Variants in SMARCC1 observed in about 807,000 individuals in gnomAD.
SMARCC1 encodes the protein SWI/SNF complex subunit SMARCC1.
SMARCC1 carries 43 observed loss-of-function variants against 147.4 expected under a neutral mutation model. The ratio of observed to expected loss-of-function variants is 0.29; its 90% confidence interval spans 0.23 to 0.38. SMARCC1 has a LOEUF of 0.38. Among genes scored for constraint, SMARCC1 ranks in the 10% least tolerant of loss-of-function variants. The pLI, the probability that SMARCC1 is intolerant of heterozygous loss-of-function variation, is 1.00. For synonymous variants in SMARCC1, 495 were observed against 484.4 expected (o/e 1.02, Z -0.29); for missense variants, 1,119 against 1,381.1 (o/e 0.81, Z 3.01).
intron 21 of SMARCC1, among the ~76,000 whole-genome samples, chr3:47,656,756 A>C (rs1023025045): frequency 1.3e-5 from 2 of 152,158 alleles, no homozygotes; most frequent in African/African-American, 4.8e-5. Flanking sequence ...TCTACTAAAA[A>C]TACAAAAATT....
chr3:47,670,495 G>A (rs1247973307), intron 19 of SMARCC1, 163 bp downstream of exon 19: 1 of 611,290 alleles, frequency 1.6e-6, no homozygotes, highest in East Asian at 2.8e-5. Flanking sequence ...AAGGTAAGAG[G>A]ATCGCCTGAG....
In SMARCC1 at chr3:47,608,929, G is replaced by C. The variant is rs150990869; in HGVS notation, c.3043+1137C>G. Among the ~76,000 whole-genome samples, 59 of 151,706 alleles carry C rather than the reference G, an allele frequency of 3.9e-4. No individual in the cohort carries two copies. In the East Asian group the frequency reaches 5.2e-3, roughly 13 times the overall value. ...GTTTATAGGAAATGTGTGTTTGTGT[G>C]GGGGGGTTAGAAGGACATATGACAT... On this transcript the variant is annotated intron_variant, in intron 26 of 27. Transcript: ENST00000254480.
chr3:47,751,189 C>T (rs905678543), intron 2 of SMARCC1, among the ~76,000 whole-genome samples: 4 of 152,048 alleles, frequency 2.6e-5, no homozygotes, highest in African/African-American at 7.2e-5. Flanking sequence ...TGAGCCACCG[C>T]GCCTGGCCGA....
chr3:47,702,709 CT>C (rs1347340807), intron 10 of SMARCC1, among the ~76,000 whole-genome samples: 1 of 152,234 alleles, frequency 6.6e-6, no homozygotes, highest in South Asian at 2.1e-4. Flanking sequence ...AGTGATCCTC[CT>C]GCCTCAGGCT....
intron 6 of SMARCC1, among the ~76,000 whole-genome samples, chr3:47,724,692 G>A (rs1052189539): frequency 2.4e-4 from 37 of 152,260 alleles, no homozygotes; most frequent in South Asian, 1.0e-3. Context: ...CCCTGTGCTA[G>A]GGGAAAGAGA....
chr3:47,678,723 C>CAGGT (rs2033603231), intron 15 of SMARCC1, among the ~76,000 whole-genome samples: 1 of 152,176 alleles, frequency 6.6e-6, no homozygotes, highest in South Asian at 2.1e-4. Flanking sequence ...CTCTATATTG[C>CAGGT]AGGTAGGGTC....
chr3:47,607,505 A>C (rs2032494928), intron 26 of SMARCC1, among the ~76,000 whole-genome samples: 1 of 152,184 alleles, frequency 6.6e-6, no homozygotes, highest in African/African-American at 2.4e-5. Context: ...AACTATAAAA[A>C]TCTTACAAGA....
intron 1 of SMARCC1, among the ~76,000 whole-genome samples, chr3:47,778,212 A>AAAAAAAAAAAAAAAAAC (rs1553693293): frequency 1.4e-4 from 17 of 121,336 alleles, no homozygotes; most frequent in South Asian, 2.6e-4. Context: ...ACAAAAAACA[A>AAAAAAAAAAAAAAAAAC]AAAACAAAAA....
intron 2 of SMARCC1, among the ~76,000 whole-genome samples, chr3:47,749,205 GA>G (rs1273922469): frequency 1.3e-5 from 2 of 152,102 alleles, no homozygotes; most frequent in East Asian, 3.9e-4. Flanking sequence ...TTGGGAGGCT[GA>G]GGTGGGAGGA....
At chr3:47,701,257 C>T (rs764063781) in intron 11 of SMARCC1, 21 bp downstream of exon 11, 4 of 1,607,848 alleles carry the variant, frequency 2.5e-6, no homozygotes, top group Non-Finnish European at 2.6e-6. Flanking sequence ...ATCTAACACT[C>T]TCATGCAGAA....
intron 25 of SMARCC1, among the ~76,000 whole-genome samples, chr3:47,617,117 A>G (rs1281004021): frequency 6.6e-6 from 1 of 152,218 alleles, no homozygotes; most frequent in Non-Finnish European, 1.5e-5. Context: ...AAATAGCAAA[A>G]GCTCATTTCT....
At chr3:47,701,600 G>T (rs535535846) in intron 10 of SMARCC1, 198 bp from the exon 11 acceptor site, 6 of 532,954 alleles carry the variant, frequency 1.1e-5, no homozygotes, top group Non-Finnish European at 2.0e-5. Flanking sequence ...GGATCACTAA[G>T]GTCAGGAGTT....
chr3:47,657,560 G>A (rs1402288157), intron 21 of SMARCC1, among the ~76,000 whole-genome samples: 2 of 152,188 alleles, frequency 1.3e-5, no homozygotes, highest in African/African-American at 4.8e-5. Context: ...CACTTTGGGA[G>A]GCCAAGGCAG....
Position 47,610,274 on chromosome 3 carries a change from T to C in SMARCC1, c.2835A>G (p.Glu945=). The change falls in exon 26 of 28, where the codon GAA becomes GAG. Residue 945 remains glutamate (E), a synonymous_variant. Transcript: ENST00000254480. ...LLTERQNFHM[E]QLKYAELRAR... is the part of the protein sequence containing the mutation. ...CTCGTAATTCAGCATACTTCAGCTG[T>C]TCCATGTGGAAGTTTTGGCGTTCAG... 1.2e-6 allele frequency: 2 copies of C among 1,614,210 alleles called. No individual in the cohort carries two copies. Among genetic ancestry groups the C allele is most frequent in the South Asian group, 1.1e-5 (1 of 91,082 alleles).
intron 2 of SMARCC1, among the ~76,000 whole-genome samples, chr3:47,748,529 T>C (rs938889546): frequency 0.24 from 37 of 156 alleles, no homozygotes; most frequent in South Asian, 0.5. Flanking sequence ...CGGCCTATTA[T>C]AATATTTAAT....
At chr3:47,754,087 G>T (rs73085149) in intron 2 of SMARCC1, among the ~76,000 whole-genome samples, 1 of 152,042 alleles carries the variant, frequency 6.6e-6, no homozygotes, top group Non-Finnish European at 1.5e-5. Flanking sequence ...CACTGCTACC[G>T]TAATAGTCTT....
intron 12 of SMARCC1, among the ~76,000 whole-genome samples, chr3:47,691,665 T>C (rs1469030396): frequency 1.3e-5 from 2 of 152,024 alleles, no homozygotes; most frequent in Non-Finnish European, 2.9e-5. Flanking sequence ...TTACAGTTGA[T>C]GGATCACTCT....
intron 13 of SMARCC1, among the ~76,000 whole-genome samples, 168 bp downstream of exon 13, chr3:47,689,219 T>C (rs1278243746): frequency 1.3e-5 from 2 of 152,100 alleles, no homozygotes; most frequent in East Asian, 1.9e-4. Flanking sequence ...ATGGTTCTTA[T>C]ATTGTATTTG....
intron 21 of SMARCC1, among the ~76,000 whole-genome samples, chr3:47,640,679 T>C (rs1652256124): frequency 6.6e-6 from 1 of 152,242 alleles, no homozygotes; most frequent in African/African-American, 2.4e-5. Flanking sequence ...CAATCTTACA[T>C]AATATTTCCT....
Sources: gnomAD v4.1 joint callset for allele counts (sites outside exome capture counted in the v4.1 genomes callset) on GRCh38, gnomAD v4.1.1 for gene constraint, MANE v1.5 for transcripts, NCBI Gene and HGNC (gene_info 2026-07-23, HGNC 2026-07-21) for gene names.